The following DAB1 variants were observed in gnomAD, a reference collection of about 807,000 sequenced individuals.
The protein encoded by DAB1 is DAB adaptor protein 1.
DAB1 carries 15 observed loss-of-function variants against 64.6 expected under a neutral mutation model. That is an observed-to-expected ratio of 0.23 (90% CI 0.16 to 0.36). The LOEUF (loss-of-function observed/expected upper bound fraction) is 0.36, where lower values mean the gene tolerates loss of function less well. Among genes scored for constraint, DAB1 ranks in the 10% least tolerant of loss-of-function variants. The probability of loss-of-function intolerance (pLI) is 1.00; values close to 1 mark genes in which losing one functional copy is unlikely to be tolerated. For synonymous variants in DAB1, 235 were observed against 251.9 expected (o/e 0.93, Z 0.64); for missense variants, 596 against 706.7 (o/e 0.84, Z 1.78).
At chr1:58,478,500 A>T (rs1026763994) in intron 3 of DAB1, among the ~76,000 whole-genome samples, 1 of 151,760 alleles carries the variant, frequency 6.6e-6, no homozygotes, top group Non-Finnish European at 1.5e-5. Context: ...ACCTAGGAGG[A>T]TTTTTTTTGT....
At chr1:57,082,727 G>A (rs577457384) in intron 4 of DAB1, among the ~76,000 whole-genome samples, 9 of 152,084 alleles carry the variant, frequency 5.9e-5, no homozygotes, top group African/African-American at 1.9e-4. Context: ...CCCTCCCTGT[G>A]TCCATGTGTT....
At chr1:57,241,383 A>G (rs1395837585) in intron 2 of DAB1, among the ~76,000 whole-genome samples, 4 of 152,190 alleles carry the variant, frequency 2.6e-5, no homozygotes, top group African/African-American at 9.7e-5. Context: ...TGTCTTTCTA[A>G]TTGAGACATT....
At chr1:57,967,339 C>G (rs989452494) in intron 5 of DAB1, among the ~76,000 whole-genome samples, 1 of 152,144 alleles carries the variant, frequency 6.6e-6, no homozygotes, top group Non-Finnish European at 1.5e-5. Flanking sequence ...AACAAGGAAG[C>G]CAGATGACCC....
chr1:58,183,331 G>T (rs1656898000), intron 4 of DAB1, among the ~76,000 whole-genome samples: 1 of 152,012 alleles, frequency 6.6e-6, no homozygotes, highest in Non-Finnish European at 1.5e-5. Flanking sequence ...AGCCATGGAT[G>T]AATAGTTAGT....
chr1:57,196,789 G>C (rs1341397487), intron 2 of DAB1, among the ~76,000 whole-genome samples: 1 of 152,112 alleles, frequency 6.6e-6, no homozygotes, highest in Non-Finnish European at 1.5e-5. Flanking sequence ...AGTCCTTTTT[G>C]CTTGTGCAAT....
chr1:57,623,920 T>C (rs1453464381), intron 7 of DAB1, among the ~76,000 whole-genome samples: 1 of 152,176 alleles, frequency 6.6e-6, no homozygotes, highest in Non-Finnish European at 1.5e-5. Context: ...AGAGAATTCA[T>C]GCTATGCACT....
chr1:57,593,577 T>C (rs1374421809), intron 7 of DAB1, among the ~76,000 whole-genome samples: 2 of 152,244 alleles, frequency 1.3e-5, no homozygotes, highest in East Asian at 1.9e-4. Flanking sequence ...TCAAATAGTA[T>C]ACTTTACATA....
chr1:57,617,727 GAA>G (rs1460565784), intron 7 of DAB1, among the ~76,000 whole-genome samples: 1 of 152,126 alleles, frequency 6.6e-6, no homozygotes, highest in Non-Finnish European at 1.5e-5. Context: ...ATGAAAATGG[GAA>G]AACAGAGAAT....
chr1:57,735,778 T>A (rs903721532), intron 6 of DAB1, among the ~76,000 whole-genome samples: 3 of 152,182 alleles, frequency 2.0e-5, no homozygotes, highest in Non-Finnish European at 4.4e-5. Context: ...TTGTTTAGAA[T>A]GTTAAATATC....
chr1:58,420,691 G>A (rs75720804), intron 3 of DAB1, among the ~76,000 whole-genome samples: 2 of 152,116 alleles, frequency 1.3e-5, no homozygotes, highest in Non-Finnish European at 2.9e-5. Context: ...ACACTTCTGA[G>A]ATGTTTCCTA....
intron 3 of DAB1, among the ~76,000 whole-genome samples, chr1:58,424,873 A>C (rs910676): frequency 0.59 from 89,949 of 151,646 alleles, 27,248 homozygotes; most frequent in African/African-American, 0.7. Context: ...TGTTTTGAGG[A>C]GCACTGAAAG....
chr1:57,116,665 A>G (rs1468428542), intron 4 of DAB1, among the ~76,000 whole-genome samples: 2 of 152,140 alleles, frequency 1.3e-5, no homozygotes, highest in Non-Finnish European at 2.9e-5. Context: ...AGGAAGCCCA[A>G]GGACAAAATG....
intron 1 of DAB1, among the ~76,000 whole-genome samples, chr1:57,327,088 G>A (rs1444776351): frequency 1.3e-5 from 2 of 152,082 alleles, no homozygotes; most frequent in Non-Finnish European, 2.9e-5. Context: ...ACAGGCGTGT[G>A]ACCTCACACT....
At chr1:58,277,143 G>A (rs1366285136) in intron 4 of DAB1, among the ~76,000 whole-genome samples, 2 of 148,798 alleles carry the variant, frequency 1.3e-5, no homozygotes, top group African/African-American at 2.5e-5. Context: ...GGGTTCAAGC[G>A]ATTCTCTTGC....
At chr1:57,438,894 T>C (rs527758983) in intron 7 of DAB1, among the ~76,000 whole-genome samples, 7 of 152,314 alleles carry the variant, frequency 4.6e-5, no homozygotes, top group East Asian at 1.9e-4. Flanking sequence ...ATCCTACTCA[T>C]CTCTACCTCA....
chr1:57,532,537 G>GCAAA (rs1451381323), intron 7 of DAB1, among the ~76,000 whole-genome samples: 4 of 152,200 alleles, frequency 2.6e-5, no homozygotes, highest in African/African-American at 9.6e-5. Flanking sequence ...CTGGTCCAAA[G>GCAAA]CAAAGCATTC....
intron 3 of DAB1, among the ~76,000 whole-genome samples, chr1:58,444,010 A>T (rs1269006621): frequency 6.6e-6 from 1 of 152,248 alleles, no homozygotes; most frequent in Admixed American, 6.5e-5. Flanking sequence ...TTTTGTGAAG[A>T]TTAAATGAGA....
chr1:58,301,718 C>T (rs1281493251), intron 4 of DAB1, among the ~76,000 whole-genome samples: 1 of 152,100 alleles, frequency 6.6e-6, no homozygotes, highest in Non-Finnish European at 1.5e-5. Flanking sequence ...GGAGGGATTA[C>T]TATTCTTTTT....
intron 7 of DAB1, among the ~76,000 whole-genome samples, chr1:57,456,942 T>C (rs1686617880): frequency 6.6e-6 from 1 of 152,106 alleles, no homozygotes; most frequent in Non-Finnish European, 1.5e-5. Flanking sequence ...AATTCTCTTT[T>C]TAAACCCTCT....
Sources: allele counts gnomAD v4.1 joint callset (sites outside exome capture counted in the v4.1 genomes callset), GRCh38; gene constraint gnomAD v4.1.1; transcripts MANE v1.5; gene names NCBI Gene and HGNC (gene_info 2026-07-23, HGNC 2026-07-21).